Variants in TMEM132D observed in about 807,000 individuals in gnomAD.
TMEM132D encodes the protein transmembrane protein 132D.
A neutral mutation model predicts 62.3 loss-of-function variants in TMEM132D; 21 were observed. The ratio of observed to expected loss-of-function variants is 0.34; its 90% CI spans 0.24 to 0.49. TMEM132D has a LOEUF of 0.49. Ranked by LOEUF, TMEM132D falls within the 20% of genes least tolerant of loss-of-function variation. TMEM132D has a pLI of 0.99. For missense variants in TMEM132D, 1,346 were observed against 1,402.8 expected, an observed-to-expected ratio of 0.96 and a Z score of 0.65; for synonymous variants, 621 against 575.6, an observed-to-expected ratio of 1.08 and a Z score of -1.13.
At chr12:129,557,872 T>C (rs1388908) in intron 2 of TMEM132D, among the ~76,000 whole-genome samples, 112,381 of 152,172 alleles carry the variant, frequency 0.74, 41,774 homozygotes, top group African/African-American at 0.8. Flanking sequence ...TCTGTATTTG[T>C]CAACTAAATA....
intron 3 of TMEM132D, among the ~76,000 whole-genome samples, chr12:129,357,839 G>A (rs1870123051): frequency 6.6e-6 from 1 of 152,144 alleles, no homozygotes; most frequent in Non-Finnish European, 1.5e-5. Context: ...GCTACCAAAG[G>A]TCTCCCCAGT....
intron 1 of TMEM132D, among the ~76,000 whole-genome samples, chr12:129,728,821 A>G (rs1405481839): frequency 6.6e-6 from 1 of 152,212 alleles, no homozygotes; most frequent in East Asian, 1.9e-4. Context: ...GTGCTTCGGA[A>G]GAAACCAAGG....
intron 3 of TMEM132D, among the ~76,000 whole-genome samples, chr12:129,442,184 G>A (rs1045382218): frequency 2.6e-5 from 4 of 152,194 alleles, no homozygotes; most frequent in Non-Finnish European, 5.9e-5. Flanking sequence ...TCTTTCATTG[G>A]CCAAATCTTT....
intron 1 of TMEM132D, chr12:129,853,054 C>T (rs577995174): frequency 6.6e-6 from 1 of 152,324 alleles, no homozygotes; most frequent in East Asian, 1.9e-4. Context: ...ACATCCTCCA[C>T]TCTAAACATC....
At chr12:129,121,732 C>A (rs547644483) in intron 5 of TMEM132D, among the ~76,000 whole-genome samples, 1 of 152,268 alleles carries the variant, frequency 6.6e-6, no homozygotes, top group East Asian at 1.9e-4. Flanking sequence ...CACACAGACA[C>A]AGAAAATATG....
intron 2 of TMEM132D, among the ~76,000 whole-genome samples, chr12:129,545,599 A>G (rs1876710510): frequency 6.6e-6 from 1 of 152,116 alleles, no homozygotes; most frequent in African/African-American, 2.4e-5. Context: ...CTTCATGCCC[A>G]TTGCACAGCA....
At chr12:129,770,142 T>TG (rs1491354392) in intron 1 of TMEM132D, among the ~76,000 whole-genome samples, 31 of 120,966 alleles carry the variant, frequency 2.6e-4, no homozygotes, top group African/African-American at 1.0e-3. Flanking sequence ...TTTTTTTGGT[T>TG]GTTTTTTTTT....
chr12:129,409,287 G>A (rs1291574670), intron 3 of TMEM132D, among the ~76,000 whole-genome samples: 1 of 152,100 alleles, frequency 6.6e-6, no homozygotes, highest in East Asian at 1.9e-4. Flanking sequence ...CTGTATTCCA[G>A]CCTACTCAGG....
At chr12:129,555,953 G>A (rs964123922) in intron 2 of TMEM132D, among the ~76,000 whole-genome samples, 1 of 152,146 alleles carries the variant, frequency 6.6e-6, no homozygotes, top group African/African-American at 2.4e-5. Context: ...TGAGAAAGCT[G>A]GACATACACA....
At chr12:129,414,616 T>C (rs1432879159) in intron 3 of TMEM132D, among the ~76,000 whole-genome samples, 1 of 152,208 alleles carries the variant, frequency 6.6e-6, no homozygotes, top group Non-Finnish European at 1.5e-5. Flanking sequence ...AACTGACATA[T>C]TCATCACTTC....
intron 4 of TMEM132D, among the ~76,000 whole-genome samples, chr12:129,280,996 G>A (rs1366952217): frequency 6.6e-6 from 1 of 151,238 alleles, no homozygotes; most frequent in Non-Finnish European, 1.5e-5. Context: ...TTAAAATGTG[G>A]TCCATCTATA....
At chr12:129,335,606 G>A (rs116394560) in intron 4 of TMEM132D, among the ~76,000 whole-genome samples, 2,641 of 152,220 alleles carry the variant, frequency 0.017, 70 homozygotes, top group African/African-American at 0.06. Flanking sequence ...TGGGAGACTC[G>A]TAATGACCAA....
At chr12:129,687,598 A>C (rs1278454995) in intron 2 of TMEM132D, among the ~76,000 whole-genome samples, 1 of 152,042 alleles carries the variant, frequency 6.6e-6, no homozygotes, top group African/African-American at 2.4e-5. Flanking sequence ...TGCCCAGAGG[A>C]CATTTTTTTC....
chr12:129,666,082 T>G (rs763815342), intron 2 of TMEM132D, among the ~76,000 whole-genome samples: 15 of 152,196 alleles, frequency 9.9e-5, no homozygotes, highest in Non-Finnish European at 2.1e-4. Context: ...CTGCGCTGTC[T>G]TCTCCCAAAG....
chr12:129,505,975 T>A (rs1361698779), intron 3 of TMEM132D, among the ~76,000 whole-genome samples: 1 of 152,214 alleles, frequency 6.6e-6, no homozygotes, highest in Non-Finnish European at 1.5e-5. Context: ...TCTTATCCAC[T>A]CTGTGAGTCT....
chr12:129,584,597 C>T (rs554357891), intron 2 of TMEM132D, among the ~76,000 whole-genome samples: 5 of 152,192 alleles, frequency 3.3e-5, no homozygotes, highest in South Asian at 2.1e-4. Flanking sequence ...ATTGCTTTAT[C>T]GCACCTCTGC....
chr12:129,219,382 A>G (rs1015356791), intron 4 of TMEM132D, among the ~76,000 whole-genome samples: 2 of 152,180 alleles, frequency 1.3e-5, no homozygotes, highest in Middle Eastern at 3.2e-3. Flanking sequence ...TTTCCTTTAT[A>G]AATTACCCAG....
At chr12:129,362,532 A>T (rs920834454) in intron 3 of TMEM132D, among the ~76,000 whole-genome samples, 1 of 151,882 alleles carries the variant, frequency 6.6e-6, no homozygotes, top group African/African-American at 2.4e-5. Context: ...GACATTTAAA[A>T]AAAAAACATA....
At position 129,620,801 on chromosome 12, in the gene TMEM132D, A is replaced by G. The variant is rs1240896717; in HGVS notation, c.968+79009T>C. On this transcript the variant is annotated intron_variant, in intron 2 of 8. Transcript: ENST00000422113. ...ACAGATGGACACATGGGGGAGAAAAACACACACTGGGGCCCTCTTGGGGGA... is the reference window on the plus strand; with the variant it reads ...ACAGATGGACACATGGGGGAGAAAAGCACACACTGGGGCCCTCTTGGGGGA... Among the ~76,000 whole-genome samples, 3 of 150,016 alleles carry G rather than the reference A, an allele frequency of 2.0e-5. No individual in the cohort carries two copies. The East Asian group carries it at 7.0e-4, about 35-fold the overall frequency.
Sources: gnomAD v4.1 joint callset for allele counts (sites outside exome capture counted in the v4.1 genomes callset) on GRCh38, gnomAD v4.1.1 for gene constraint, MANE v1.5 for transcripts, NCBI Gene and HGNC (gene_info 2026-07-23, HGNC 2026-07-21) for gene names.